The following QTMAN variants were observed in gnomAD, a reference collection of about 807,000 sequenced individuals.
QTMAN encodes the protein tRNA-queuosine alpha-mannosyltransferase.
chr2:144,186,796 C>T, the QTMAN span, among the ~76,000 whole-genome samples: 1 of 152,158 alleles, frequency 6.6e-6, no homozygotes, highest in African/African-American at 2.4e-5. Context: ...AAATTTGCCA[C>T]ATTAGGTTCA....
chr2:144,133,010 G>GGCTGAACA, the QTMAN span, among the ~76,000 whole-genome samples: 5 of 143,408 alleles, frequency 3.5e-5, no homozygotes, highest in Non-Finnish European at 6.0e-5. Flanking sequence ...ATTTGCCCTA[G>GGCTGAACA]GCTGAACAGT....
the QTMAN span, among the ~76,000 whole-genome samples, chr2:144,232,093 C>T: frequency 1.3e-5 from 2 of 151,966 alleles, no homozygotes; most frequent in Admixed American, 6.6e-5. Flanking sequence ...ATTTTAGTAG[C>T]TCTGCATAAA....
the QTMAN span, among the ~76,000 whole-genome samples, chr2:144,094,331 C>T: frequency 8.6e-5 from 13 of 152,040 alleles, no homozygotes; most frequent in African/African-American, 1.4e-4. Context: ...TTTATCTTCT[C>T]GGTATTTACA....
chr2:144,229,195 T>C, the QTMAN span, among the ~76,000 whole-genome samples: 1 of 152,222 alleles, frequency 6.6e-6, no homozygotes, highest in Admixed American at 6.5e-5. Flanking sequence ...ATTCTCTATG[T>C]ATGTTTCTCT....
the QTMAN span, among the ~76,000 whole-genome samples, chr2:144,221,608 T>C: frequency 6.6e-6 from 1 of 152,212 alleles, no homozygotes; most frequent in Admixed American, 6.5e-5. Flanking sequence ...TCATTGAATA[T>C]GTTTCAACTT....
the QTMAN span, among the ~76,000 whole-genome samples, chr2:144,081,284 C>A: frequency 1.3e-5 from 2 of 151,998 alleles, no homozygotes; most frequent in African/African-American, 4.8e-5. Context: ...GGGAAAGGAA[C>A]AAAAATCAGA....
chr2:144,052,945 G>A, the QTMAN span, among the ~76,000 whole-genome samples: 1 of 152,120 alleles, frequency 6.6e-6, no homozygotes, highest in Admixed American at 6.5e-5. Context: ...CACCACGCCC[G>A]GCCTATTTTA....
At chr2:144,161,029 A>C in the QTMAN span, among the ~76,000 whole-genome samples, 2 of 152,174 alleles carry the variant, frequency 1.3e-5, no homozygotes, top group Admixed American at 6.6e-5. Context: ...TTAGTCAGTC[A>C]TAAGAGTGAT....
the QTMAN span, among the ~76,000 whole-genome samples, chr2:144,172,812 T>TACCTAAGATATATGCCTC: frequency 3.9e-5 from 6 of 151,998 alleles, no homozygotes; most frequent in African/African-American, 1.4e-4. Context: ...GATTATGCCT[T>TACCTAAGATATATGCCTC]ACCTAAGATA....
chr2:144,019,624 T>C, the QTMAN span, among the ~76,000 whole-genome samples: 4 of 152,238 alleles, frequency 2.6e-5, no homozygotes, highest in East Asian at 7.7e-4. Flanking sequence ...TGATTTTACA[T>C]AGAGAGAAAT....
chr2:144,124,696 G>C, the QTMAN span, among the ~76,000 whole-genome samples: 1 of 152,020 alleles, frequency 6.6e-6, no homozygotes, highest in Non-Finnish European at 1.5e-5. Context: ...TTCTCACCTT[G>C]ATTTAGTAAC....
At chr2:144,213,567 T>G in the QTMAN span, among the ~76,000 whole-genome samples, 1 of 152,182 alleles carries the variant, frequency 6.6e-6, no homozygotes, top group Non-Finnish European at 1.5e-5. Flanking sequence ...ATATATTCCA[T>G]AGACACCTTT....
chr2:144,046,972 T>C, the QTMAN span, among the ~76,000 whole-genome samples: 3 of 152,280 alleles, frequency 2.0e-5, no homozygotes, highest in African/African-American at 4.8e-5. Flanking sequence ...TGTCACCCTA[T>C]ATAGATTAAG....
At chr2:144,006,518 T>C in the QTMAN span, 1 of 152,154 alleles carries the variant, frequency 6.6e-6, no homozygotes, top group Non-Finnish European at 1.5e-5. Flanking sequence ...AAAATGTTCA[T>C]GCCTAATACC....
chr2:144,190,205 T>C, the QTMAN span, among the ~76,000 whole-genome samples: 1 of 152,200 alleles, frequency 6.6e-6, no homozygotes, highest in Non-Finnish European at 1.5e-5. Flanking sequence ...AGATTGGCTA[T>C]TTATTTACAC....
the QTMAN span, among the ~76,000 whole-genome samples, chr2:144,214,573 T>C: frequency 2.2e-4 from 34 of 152,318 alleles, no homozygotes; most frequent in African/African-American, 7.7e-4. Context: ...TACTACCATA[T>C]GTACTTAAAT....
the QTMAN span, among the ~76,000 whole-genome samples, chr2:144,318,844 T>C: frequency 1.3e-5 from 2 of 152,168 alleles, no homozygotes; most frequent in Admixed American, 6.6e-5. Context: ...ATGTTGAAGA[T>C]TCACTGAGGG....
chr2:144,049,473 C>A, the QTMAN span, among the ~76,000 whole-genome samples: 1 of 151,898 alleles, frequency 6.6e-6, no homozygotes, highest in Non-Finnish European at 1.5e-5. Flanking sequence ...CAATAAAATG[C>A]AATGGCCAGA....
At chr2:144,031,604 A>G in the QTMAN span, among the ~76,000 whole-genome samples, 2 of 152,210 alleles carry the variant, frequency 1.3e-5, no homozygotes, top group Non-Finnish European at 2.9e-5. Context: ...AAAAGTACCC[A>G]AAGAATTTTA....
Sources: gnomAD v4.1 joint callset for allele counts (sites outside exome capture counted in the v4.1 genomes callset) on GRCh38, gnomAD v4.1.1 for gene constraint, MANE v1.5 for transcripts, NCBI Gene and HGNC (gene_info 2026-07-23, HGNC 2026-07-21) for gene names.